Variants in EMC4 observed in about 807,000 individuals in gnomAD.
The protein encoded by EMC4 is cell proliferation-inducing gene 17 protein.
Under a neutral mutation model 24.2 loss-of-function variants are expected in EMC4, and 9 were observed. The ratio of observed to expected loss-of-function variants is 0.37; its 90% CI spans 0.22 to 0.65. The LOEUF is 0.65. EMC4 is among the 30% of genes least tolerant of loss of function. The probability of loss-of-function intolerance (pLI) is 0.59; values close to 1 mark genes in which losing one functional copy is unlikely to be tolerated. For synonymous variants in EMC4, 86 were observed against 81.1 expected, an observed-to-expected ratio of 1.06 and a Z score of -0.32; for missense variants, 169 against 234.6, an observed-to-expected ratio of 0.72 and a Z score of 1.83.
At chr15:34,225,263 C>T (rs1257151211) in intron 1 of EMC4, 63 bp downstream of exon 1, 7 of 1,347,286 alleles carry the variant, frequency 5.2e-6, no homozygotes, top group Admixed American at 2.5e-5. Flanking sequence ...AGTAATGAGA[C>T]CTGAGCCCTC....
At chr15:34,226,446 C>T (rs1403875364) in intron 2 of EMC4, 1 of 152,178 alleles carries the variant, frequency 6.6e-6, no homozygotes, top group African/African-American at 2.4e-5. Flanking sequence ...TCACTGTACC[C>T]ATCACCAGTA....
In EMC4 at chr15:34,229,900, C is replaced by G. The variant is rs751364524; in HGVS notation, c.*112C>G. On this transcript the variant is annotated 3_prime_UTR_variant, in exon 5 of 5. Coordinates refer to ENST00000267750, the MANE Select transcript of EMC4 (RefSeq NM_016454.4). ...AACTAATCACTTATGTTAAAAAGAACCAAAAGACTCTTTTCTCCATGGTGG... is the reference window on the plus strand; with the variant it reads ...AACTAATCACTTATGTTAAAAAGAAGCAAAAGACTCTTTTCTCCATGGTGG... The G allele has an allele frequency of 2.4e-4, 240 of 1,002,630 alleles. No homozygotes were observed. The highest frequency in any genetic ancestry group is 5.5e-5 in the Non-Finnish European group (35 of 636,562). The allele number at this position is 1,002,630 out of a possible 1,614,324, so 62.1% of individuals were successfully genotyped here. A position where few individuals can be genotyped will look rare whatever the true frequency, so the allele number is the denominator to read the frequency against.
chr15:34,228,979 C>T (rs748527593), intron 4 of EMC4: 2 of 190,896 alleles, frequency 1.0e-5, no homozygotes, highest in South Asian at 1.0e-4. Context: ...TGAGCCACTG[C>T]GCCTGGCCTA....
intron 4 of EMC4, 154 bp downstream of exon 4, chr15:34,228,743 G>A: frequency 1.6e-6 from 1 of 616,942 alleles, no homozygotes; most frequent in Non-Finnish European, 2.6e-6. Context: ...CCAGGCTGGA[G>A]TGCAGTGGCA....
chr15:34,229,902 A>C lies in EMC4; in HGVS notation c.*114A>C, dbSNP rs568668609. 8.1e-5 allele frequency: 81 copies of C among 999,730 alleles called. No individual in the cohort carries two copies. The highest frequency in any genetic ancestry group is 1.7e-4 in the Admixed American group (9 of 52,782). The allele number at this position is 999,730 out of a possible 1,614,324, so 61.9% of individuals were successfully genotyped here. On this transcript the variant is annotated 3_prime_UTR_variant, in exon 5 of 5. Transcript: ENST00000267750. ...CTAATCACTTATGTTAAAAAGAACCAAAAGACTCTTTTCTCCATGGTGGGG... is the reference window on the plus strand; with the variant it reads ...CTAATCACTTATGTTAAAAAGAACCCAAAGACTCTTTTCTCCATGGTGGGG...
intron 1 of EMC4, 49 bp from the exon 2 acceptor site, chr15:34,225,487 T>C (rs1440535350): frequency 1.5e-6 from 2 of 1,364,222 alleles, no homozygotes; most frequent in African/African-American, 2.9e-5. Flanking sequence ...AAATGTGGGA[T>C]AAGAAGTATC....
At chr15:34,227,074 TATC>T (rs1445734979) in intron 2 of EMC4, 1 of 152,192 alleles carries the variant, frequency 6.6e-6, no homozygotes, top group African/African-American at 2.4e-5. Context: ...TCTAGTTTAA[TATC>T]ATTGTAGTCA....
chr15:34,226,278 TGATATA>T (rs1890648858), intron 2 of EMC4: 2 of 165,162 alleles, frequency 1.2e-5, no homozygotes, highest in Non-Finnish European at 2.7e-5. Context: ...TCAAATGTAT[TGATATA>T]AAGTTGTTCA....
chr15:34,225,072 T>G lies in EMC4; in HGVS notation c.-43T>G. ...CTGGTGGGCCTGTTGTGGAGTACGC[T>G]TTGGACTGAGAAGCATCGAGGCTAT... On this transcript the variant is annotated 5_prime_UTR_variant, in exon 1 of 5. Coordinates refer to ENST00000267750, the MANE Select transcript of EMC4 (RefSeq NM_016454.4). The G allele has an allele frequency of 6.7e-7, 1 of 1,503,474 alleles. No individual in the cohort carries two copies. Among genetic ancestry groups the G allele is most frequent in the Non-Finnish European group, 9.1e-7 (1 of 1,102,984 alleles). The allele number at this position is 1,503,474 out of a possible 1,614,324, so 93.1% of individuals were successfully genotyped here.
chr15:34,227,663 A>G, intron 2 of EMC4, 30 bp from the exon 3 acceptor site: 1 of 1,607,406 alleles, frequency 6.2e-7, no homozygotes, highest in Non-Finnish European at 8.5e-7. Context: ...GGTAGTGATC[A>G]GAGGGTTAAA....
At chr15:34,227,941 G>A in intron 3 of EMC4, 95 bp downstream of exon 3, 4 of 1,345,456 alleles carry the variant, frequency 3.0e-6, no homozygotes, top group Non-Finnish European at 4.1e-6. Context: ...AGCACTTTGG[G>A]AGGCGCCAAG....
chr15:34,229,825 G>T lies in EMC4; in HGVS notation c.*37G>T, dbSNP rs1405172413. 6.2e-7 allele frequency: 1 copy of T among 1,608,548 alleles called. No individual in the cohort carries two copies. The highest frequency in any genetic ancestry group is 8.5e-7 in the Non-Finnish European group (1 of 1,175,052). On this transcript the variant is annotated 3_prime_UTR_variant, in exon 5 of 5. Coordinates refer to ENST00000267750, the MANE Select transcript of EMC4 (RefSeq NM_016454.4). Reference sequence around the variant, plus strand: ...CAGCGCCTGGTCCCTATGTATTTGGGTCTTATTTACATCCTTCTTTAAGCC... The same window carrying T: ...CAGCGCCTGGTCCCTATGTATTTGGTTCTTATTTACATCCTTCTTTAAGCC...
intron 1 of EMC4, 103 bp downstream of exon 1, chr15:34,225,303 C>A: frequency 1.9e-6 from 2 of 1,044,786 alleles, no homozygotes; most frequent in Non-Finnish European, 2.8e-6. Flanking sequence ...ATGGGTGGCA[C>A]ACAGACATCA....
chr15:34,227,910 G>A (rs571383591), intron 3 of EMC4, 64 bp downstream of exon 3: 67 of 1,554,986 alleles, frequency 4.3e-5, no homozygotes, highest in Middle Eastern at 2.0e-4. Context: ...GCCGGGCATG[G>A]TGGCTCACGC....
chr15:34,230,115 C>G lies in EMC4; in HGVS notation c.*327C>G. 3.2e-6 allele frequency: 1 copy of G among 316,448 alleles called. No homozygotes were observed. Among genetic ancestry groups the G allele is most frequent in the Admixed American group, 4.8e-5 (1 of 20,912 alleles). 19.6% of individuals were successfully genotyped at this position (316,448 alleles called of 1,614,324 possible). ...TAAATCAAGAACTGTTGCAGCATCTCCTTTCAATAAATTAAATGGTTGAGA... is the reference window on the plus strand; with the variant it reads ...TAAATCAAGAACTGTTGCAGCATCTGCTTTCAATAAATTAAATGGTTGAGA... On this transcript the variant is annotated 3_prime_UTR_variant, in exon 5 of 5. Coordinates refer to ENST00000267750, the MANE Select transcript of EMC4 (RefSeq NM_016454.4).
chr15:34,225,513 A>C (rs752499219), intron 1 of EMC4, 23 bp from the exon 2 acceptor site: 2 of 1,560,320 alleles, frequency 1.3e-6, no homozygotes, highest in Non-Finnish European at 1.8e-6. Context: ...TTGCAGCTTT[A>C]GTTTCTTGGT....
At chr15:34,228,061 T>C (rs544882930) in intron 3 of EMC4, 27 of 483,816 alleles carry the variant, frequency 5.6e-5, no homozygotes, top group Non-Finnish European at 8.2e-5. Flanking sequence ...CACACGCCTG[T>C]AATCCCAGCT....
Position 34,225,025 on chromosome 15 carries a change from G to A in EMC4, c.-90G>A, listed in dbSNP as rs550078463. On this transcript the variant is annotated 5_prime_UTR_variant, in exon 1 of 5. Coordinates refer to ENST00000267750, the MANE Select transcript of EMC4 (RefSeq NM_016454.4). ...TTCACGCGCCGGAAGTGCATTTGCA[G>A]AGTGAGACAAAGCGGAGAACGCTGG... 1.8e-5 allele frequency: 20 copies of A among 1,098,456 alleles called. No homozygotes were observed. The South Asian group carries it at 2.0e-4, about 11-fold the overall frequency. 68.0% of individuals were successfully genotyped at this position (1,098,456 alleles called of 1,614,324 possible).
rs114205958 is a variant in EMC4 at position 34,228,615 on chromosome 15, T to G, written c.516+26T>G. 9.7e-4 allele frequency: 1,558 copies of G among 1,603,560 alleles called. 19 individuals carry two copies. The African/African-American group carries it at 0.018, about 19-fold the overall frequency. The stretch of plus-strand genomic sequence containing the variant: ...GTAAGGCAAAAGAAAAGCTGAATTT[T>G]GGGTAGTTGTAGTATACAGTGAATA... On this transcript the variant is annotated intron_variant, in intron 4 of 4. Transcript: ENST00000267750.
Sources: allele counts gnomAD v4.1 joint callset, GRCh38; gene constraint gnomAD v4.1.1; transcripts MANE v1.5; gene names NCBI Gene and HGNC (gene_info 2026-07-23, HGNC 2026-07-21).